TOX: variants seen among roughly 807,000 people sequenced by gnomAD.
TOX encodes the protein thymocyte selection associated high mobility group box, also known as thymocyte selection-associated high mobility group box protein TOX.
In TOX, 11 loss-of-function variants were observed where a neutral mutation model predicts 53.7. The ratio of observed to expected loss-of-function variants is 0.20; its 90% CI spans 0.13 to 0.34. The LOEUF is 0.34. TOX is among the 10% of genes least tolerant of loss of function. The pLI is 1.00. For missense variants in TOX, 570 were observed against 664.6 expected (o/e 0.86, Z 1.56); for synonymous variants, 225 against 245.3 (o/e 0.92, Z 0.77).
At chr8:58,962,888 C>A (rs34434301) in intron 1 of TOX, among the ~76,000 whole-genome samples, 7,388 of 152,296 alleles carry the variant, frequency 0.049, 227 homozygotes, top group South Asian at 0.097. Flanking sequence ...AGGCCATGGG[C>A]TGCCCAGGTA....
intron 1 of TOX, among the ~76,000 whole-genome samples, chr8:58,994,391 A>AGTGT (rs34690974): frequency 0.017 from 2,536 of 146,926 alleles, 23 homozygotes; most frequent in East Asian, 0.05. Flanking sequence ...CAAAATGCCA[A>AGTGT]GTGTGTGTGT....
In TOX at chr8:58,826,703, T is replaced by C. The variant is rs544077247; in HGVS notation, c.1005+119A>G. 4 of 863,176 alleles carry C rather than the reference T, an allele frequency of 4.6e-6. No individual in the cohort carries two copies. In the Admixed American group the frequency reaches 1.4e-4, roughly 31 times the overall value. 53.5% of individuals were successfully genotyped at this position (863,176 alleles called of 1,614,324 possible). A position where few individuals can be genotyped will look rare whatever the true frequency, so the allele number is the denominator to read the frequency against. On this transcript the variant is annotated intron_variant, in intron 6 of 8. Coordinates refer to ENST00000361421, the MANE Select transcript of TOX (RefSeq NM_014729.3). ...TAGCTTTGTTTGTAATTTACTTTTT[T>C]TTCCAACAAAGAAGATTGTGCAGAA...
At chr8:58,980,970 T>A (rs570358842) in intron 1 of TOX, among the ~76,000 whole-genome samples, 1 of 152,348 alleles carries the variant, frequency 6.6e-6, no homozygotes, top group African/African-American at 2.4e-5. Flanking sequence ...ACTGTTGTTA[T>A]CTCTTATTTT....
intron 4 of TOX, among the ~76,000 whole-genome samples, chr8:58,848,685 T>C (rs536126806): frequency 6.6e-6 from 1 of 152,266 alleles, no homozygotes; most frequent in South Asian, 2.1e-4. Flanking sequence ...ATTTCTTTGA[T>C]GCTTTACTGT....
At chr8:58,832,684 T>C (rs1399667364) in intron 5 of TOX, among the ~76,000 whole-genome samples, 4 of 152,126 alleles carry the variant, frequency 2.6e-5, no homozygotes, top group Non-Finnish European at 4.4e-5. Context: ...TTGAAGCAAA[T>C]TAACTATTTA....
chr8:58,969,521 T>A (rs1812963688), intron 1 of TOX, among the ~76,000 whole-genome samples: 2 of 152,240 alleles, frequency 1.3e-5, no homozygotes, highest in Non-Finnish European at 2.9e-5. Flanking sequence ...TAAAACCTCA[T>A]GATCTCATGT....
chr8:58,941,280 T>G (rs1373302175), intron 2 of TOX, among the ~76,000 whole-genome samples: 2 of 152,216 alleles, frequency 1.3e-5, no homozygotes, highest in Non-Finnish European at 2.9e-5. Context: ...AGATGTCTAT[T>G]TCATATTAAA....
intron 1 of TOX, among the ~76,000 whole-genome samples, chr8:58,991,157 C>T (rs1813438450): frequency 1.3e-5 from 2 of 152,216 alleles, no homozygotes; most frequent in Admixed American, 6.5e-5. Context: ...CCCAACACCC[C>T]ATGGTGGGTA....
intron 5 of TOX, among the ~76,000 whole-genome samples, chr8:58,831,083 G>A (rs1273752891): frequency 1.3e-5 from 2 of 152,130 alleles, no homozygotes; most frequent in African/African-American, 4.8e-5. Flanking sequence ...GGTATTCAGA[G>A]GATTGAAAAC....
chr8:58,938,066 G>GC (rs1554531419), intron 3 of TOX, among the ~76,000 whole-genome samples: 1 of 152,188 alleles, frequency 6.6e-6, no homozygotes, highest in Non-Finnish European at 1.5e-5. Flanking sequence ...CTGCCAATGA[G>GC]TCTCCCCTCT....
intron 8 of TOX, 73 bp from the exon 9 acceptor site, chr8:58,807,856 T>G: frequency 6.3e-7 from 1 of 1,575,740 alleles, no homozygotes; most frequent in Non-Finnish European, 8.7e-7. Flanking sequence ...GGGGGATGGA[T>G]GTCTTTGAAT....
intron 7 of TOX, among the ~76,000 whole-genome samples, chr8:58,812,868 T>G (rs531051939): frequency 6.6e-6 from 1 of 152,376 alleles, no homozygotes; most frequent in South Asian, 2.1e-4. Flanking sequence ...GATCTTTAAA[T>G]CCTTCTAACA....
chr8:58,961,399 G>T (rs1026795758), intron 1 of TOX, among the ~76,000 whole-genome samples: 1 of 152,190 alleles, frequency 6.6e-6, no homozygotes, highest in Non-Finnish European at 1.5e-5. Context: ...GAAAGATGTG[G>T]TTGTTAGAGC....
At chr8:59,096,687 T>A (rs942078480) in intron 1 of TOX, among the ~76,000 whole-genome samples, 1 of 152,186 alleles carries the variant, frequency 6.6e-6, no homozygotes, top group Non-Finnish European at 1.5e-5. Flanking sequence ...GGCACAGAGT[T>A]TCATAGGAGG....
chr8:58,884,882 C>T (rs566867288), intron 3 of TOX, among the ~76,000 whole-genome samples: 27 of 152,254 alleles, frequency 1.8e-4, no homozygotes, highest in African/African-American at 6.3e-4. Context: ...ACTGTAAATA[C>T]ATTTCCAAGC....
At chr8:58,933,123 A>C (rs1392344925) in intron 3 of TOX, among the ~76,000 whole-genome samples, 1 of 152,156 alleles carries the variant, frequency 6.6e-6, no homozygotes, top group African/African-American at 2.4e-5. Flanking sequence ...TTCTAAACGA[A>C]TCCTTTCTTT....
At chr8:59,044,751 G>C (rs1294054027) in intron 1 of TOX, among the ~76,000 whole-genome samples, 1 of 152,126 alleles carries the variant, frequency 6.6e-6, no homozygotes, top group East Asian at 1.9e-4. Context: ...GTAAAGACTG[G>C]ACAAAAGTTG....
chr8:58,971,262 C>T (rs1290647912), intron 1 of TOX, among the ~76,000 whole-genome samples: 1 of 152,242 alleles, frequency 6.6e-6, no homozygotes, highest in Non-Finnish European at 1.5e-5. Flanking sequence ...CACTGCCGTT[C>T]TTTCCTTCCC....
Position 58,851,185 on chromosome 8 carries a change from T to TCACA in TOX, c.693+335_693+338dup, listed in dbSNP as rs68047111. On this transcript the variant is annotated intron_variant, in intron 4 of 8. Coordinates refer to ENST00000361421, the MANE Select transcript of TOX (RefSeq NM_014729.3). This position sits in a 1 kb window ranked among gnomAD's most constrained non-coding sequence, Gnocchi z 4.4. ...CTCTCTCTCTCTCTCTCTCTCTCTCTCACACACACACACACACACACACAC... is the reference window on the plus strand; with the variant it reads ...CTCTCTCTCTCTCTCTCTCTCTCTCTCACACACACACACACACACACACACACAC... Among the ~76,000 whole-genome samples, 19 of 140,838 alleles carry TCACA rather than the reference T, an allele frequency of 1.3e-4. No homozygotes were observed. Among genetic ancestry groups the TCACA allele is most frequent in the South Asian group, 8.9e-4 (4 of 4,494 alleles). 92.4% of individuals were successfully genotyped at this position (140,838 alleles called of 152,430 possible). A position where few individuals can be genotyped will look rare whatever the true frequency, so the allele number is the denominator to read the frequency against.
Sources: gnomAD v4.1 joint callset for allele counts (sites outside exome capture counted in the v4.1 genomes callset) on GRCh38, gnomAD v4.1.1 for gene constraint, Gnocchi (gnomAD v3.1) non-coding constraint, MANE v1.5 for transcripts, NCBI Gene and HGNC (gene_info 2026-07-23, HGNC 2026-07-21) for gene names.